Variants in NLGN4X observed in about 807,000 individuals in gnomAD.
NLGN4X encodes the protein neuroligin 4 X-linked, also known as neuroligin-4, X-linked.
In NLGN4X, 3 loss-of-function variants were observed where a neutral mutation model predicts 40.3. The ratio of observed to expected loss-of-function variants is 0.07; its 90% CI spans 0.03 to 0.19. NLGN4X has a LOEUF of 0.19. Ranked by LOEUF, NLGN4X falls within the 10% of genes least tolerant of loss-of-function variation. NLGN4X has a pLI of 1.00. For synonymous variants in NLGN4X, 270 were observed against 306.8 expected, an observed-to-expected ratio of 0.88 and a Z score of 1.25; for missense variants, 382 against 708.3, an observed-to-expected ratio of 0.54 and a Z score of 5.23.
chrX:6,113,590 G>A (rs969094553), intron 2 of NLGN4X, among the ~76,000 whole-genome samples: 2 of 108,773 alleles, frequency 1.8e-5, no homozygotes, highest in African/African-American at 3.4e-5. Context: ...CTGAAATCCT[G>A]AACTGTAAAA....
intron 2 of NLGN4X, among the ~76,000 whole-genome samples, chrX:6,132,848 T>C (rs1213146403): frequency 9.0e-6 from 1 of 110,872 alleles, no homozygotes; most frequent in Admixed American, 9.7e-5. Flanking sequence ...GCTAGCACAC[T>C]TGGCTCACTG....
At chrX:6,177,195 G>A (rs1034895125) in intron 1 of NLGN4X, among the ~76,000 whole-genome samples, 1 of 111,975 alleles carries the variant, frequency 8.9e-6, no homozygotes, top group African/African-American at 3.2e-5. Flanking sequence ...GTCTCACTCT[G>A]TTGCCCAGGC....
intron 3 of NLGN4X, among the ~76,000 whole-genome samples, chrX:6,018,574 C>G (rs985227432): frequency 1.8e-5 from 2 of 111,708 alleles, no homozygotes; most frequent in Admixed American, 1.9e-4. Flanking sequence ...CTCCAAAGAT[C>G]GTCAGCCTCG....
chrX:5,952,777 G>C (rs867910314), intron 3 of NLGN4X, among the ~76,000 whole-genome samples: 5 of 111,076 alleles, frequency 4.5e-5, no homozygotes, highest in Non-Finnish European at 9.4e-5. Context: ...ATGCAGACTA[G>C]AGGCCGAATG....
Position 5,892,486 on chromosome X carries a change from G to C in NLGN4X, c.*331C>G. Reference sequence around the variant, plus strand: ...AGTGTCAGCTGCTTCCATGACGTTGGAAACACCCGGGGCCTTGAAATGGTG... The same window carrying C: ...AGTGTCAGCTGCTTCCATGACGTTGCAAACACCCGGGGCCTTGAAATGGTG... On this transcript the variant is annotated 3_prime_UTR_variant, in exon 6 of 6. Coordinates refer to ENST00000381095, the MANE Select transcript of NLGN4X (RefSeq NM_181332.3). The C allele has an allele frequency of 3.9e-6, 1 of 254,149 alleles. No individual in the cohort carries two copies. The highest frequency in any genetic ancestry group is 7.1e-6 in the Non-Finnish European group (1 of 140,870). 20.9% of individuals were successfully genotyped at this position (254,149 alleles called of 1,213,427 possible).
intron 3 of NLGN4X, among the ~76,000 whole-genome samples, chrX:5,928,829 A>G: frequency 9.3e-6 from 1 of 107,005 alleles, no homozygotes; most frequent in Non-Finnish European, 1.9e-5. Flanking sequence ...ACAGTTATAG[A>G]AAGACTTATT....
chrX:6,047,170 G>A (rs1354237678), intron 2 of NLGN4X, among the ~76,000 whole-genome samples: 1 of 111,159 alleles, frequency 9.0e-6, no homozygotes, highest in East Asian at 2.8e-4. Flanking sequence ...GTGACATCGT[G>A]ACAGTGAACC....
intron 3 of NLGN4X, 39 bp downstream of exon 3, chrX:6,029,241 T>C (rs200818945): frequency 8.3e-7 from 1 of 1,198,976 alleles, no homozygotes; most frequent in East Asian, 3.0e-5. Flanking sequence ...CTTTTCATGT[T>C]TCCTCTTGCT....
intron 2 of NLGN4X, among the ~76,000 whole-genome samples, chrX:6,047,081 T>G (rs2037345796): frequency 9.1e-6 from 1 of 110,049 alleles, no homozygotes; most frequent in Admixed American, 9.8e-5. Context: ...ATATACATTT[T>G]TAATAAAGAA....
At chrX:6,075,750 CA>C (rs1443101806) in intron 2 of NLGN4X, among the ~76,000 whole-genome samples, 4 of 111,329 alleles carry the variant, frequency 3.6e-5, no homozygotes, top group Non-Finnish European at 5.7e-5. Flanking sequence ...TTGCATACAC[CA>C]GCTCTTCTTC....
intron 1 of NLGN4X, among the ~76,000 whole-genome samples, chrX:6,178,000 C>T (rs1435329325): frequency 2.7e-5 from 3 of 111,240 alleles, no homozygotes; most frequent in Non-Finnish European, 3.8e-5. Context: ...TGTGGGTGCT[C>T]ACCAGACACT....
At chrX:6,116,353 C>T (rs368267095) in intron 2 of NLGN4X, among the ~76,000 whole-genome samples, 17 of 93,116 alleles carry the variant, frequency 1.8e-4, no homozygotes, top group African/African-American at 6.4e-4. Flanking sequence ...ATTCACACGT[C>T]CACTTTCATT....
intron 3 of NLGN4X, among the ~76,000 whole-genome samples, chrX:6,022,651 G>T (rs1476680590): frequency 7.2e-5 from 8 of 111,485 alleles, no homozygotes; most frequent in Admixed American, 4.8e-4. Flanking sequence ...AGAACGTATT[G>T]GTCCTCTCTT....
chrX:6,045,860 T>C (rs1198127495), intron 2 of NLGN4X, among the ~76,000 whole-genome samples: 7 of 111,472 alleles, frequency 6.3e-5, no homozygotes, highest in Non-Finnish European at 3.8e-5. Context: ...CCTATATGTT[T>C]TTATTAAAAA....
chrX:5,903,168 G>A lies in NLGN4X; in HGVS notation c.1510C>T (p.Pro504Ser), dbSNP rs1262649488. 2 of 1,211,790 alleles carry A rather than the reference G, an allele frequency of 1.7e-6. No individual in the cohort carries two copies. The change falls in exon 5 of 6, where the codon CCC (proline) becomes TCC (serine). Residue 504 changes from proline (P) to serine (S), a missense_variant. Pro to Ser is a moderately conservative substitution (Grantham distance 74). This residue lies in a region of NLGN4X where 149 missense variants were observed against 375.8 expected (regional missense o/e 0.40). Transcript: ENST00000381095. The part of the protein sequence containing the change: ...PYVFGIPMIG[P>S]TELFSCNFSK... ...AAGTTACAACTGAAGAGCTCGGTGG[G>A]ACCGATCATGGGGATGCCGAAGACA...
intron 3 of NLGN4X, among the ~76,000 whole-genome samples, chrX:6,017,679 T>C (rs1196831134): frequency 4.5e-5 from 5 of 112,027 alleles, no homozygotes; most frequent in Admixed American, 1.9e-4. Flanking sequence ...AAATCATATT[T>C]TGAATTTTGA....
chrX:5,958,980 G>T (rs1455763530), intron 3 of NLGN4X, among the ~76,000 whole-genome samples: 1 of 111,833 alleles, frequency 8.9e-6, no homozygotes, highest in Non-Finnish European at 1.9e-5. Flanking sequence ...AACAGTAATC[G>T]CAGAAAAAGA....
intron 3 of NLGN4X, among the ~76,000 whole-genome samples, chrX:5,993,820 G>A (rs775839172): frequency 1.8e-5 from 2 of 111,767 alleles, no homozygotes; most frequent in Admixed American, 9.5e-5. Flanking sequence ...TAGAGAACAG[G>A]TGAGGATCAC....
At chrX:5,893,847 T>G (rs1447553798) in intron 5 of NLGN4X, among the ~76,000 whole-genome samples, 181 bp from the exon 6 acceptor site, 2 of 112,529 alleles carry the variant, frequency 1.8e-5, no homozygotes, top group Non-Finnish European at 3.7e-5. Context: ...TACCATGTTG[T>G]CTTTTCCTTT....
Sources: allele counts gnomAD v4.1 joint callset (sites outside exome capture counted in the v4.1 genomes callset), GRCh38; gene constraint gnomAD v4.1.1; regional missense constraint gnomAD v4.1.1; transcripts MANE v1.5; gene names NCBI Gene and HGNC (gene_info 2026-07-23, HGNC 2026-07-21).